The following MAX variants were observed in gnomAD, a reference collection of about 807,000 sequenced individuals.
MAX encodes the protein MYC associated transcriptional regulator X.
In MAX, 3 loss-of-function variants were observed where a neutral mutation model predicts 22.3. The observed-to-expected ratio is 0.13, with a 90% confidence interval of 0.06 to 0.35. The LOEUF (loss-of-function observed/expected upper bound fraction) is 0.35. Among genes scored for constraint, MAX ranks in the 10% least tolerant of loss-of-function variants. MAX has a pLI of 1.00. For missense variants in MAX, 119 were observed against 209.4 expected, an observed-to-expected ratio of 0.57 and a Z score of 2.66; for synonymous variants, 72 against 77.7, an observed-to-expected ratio of 0.93 and a Z score of 0.39.
rs2063034315 is a variant in MAX, at chr14:65,075,494, C to T, written c.*982G>A. The stretch of plus-strand genomic sequence containing the variant: ...CCAGGTAAATTGCTCTTGGTATTTA[C>T]ATACAAAATCAGTTGGCTCTATTTC... On this transcript the variant is annotated 3_prime_UTR_variant, in exon 5 of 5. Transcript: ENST00000358664. The surrounding 1 kb of genome is among the most constrained non-coding windows in gnomAD (Gnocchi z 4.1). 3.8e-6 allele frequency: 4 copies of T among 1,064,600 alleles called. No homozygotes were observed. The highest frequency in any genetic ancestry group is 9.1e-5 in the South Asian group (2 of 21,972). 65.9% of individuals were successfully genotyped at this position (1,064,600 alleles called of 1,614,324 possible). A position where few individuals can be genotyped will look rare whatever the true frequency, so the allele number is the denominator to read the frequency against.
intron 3 of MAX, among the ~76,000 whole-genome samples, chr14:65,040,625 GAA>G (rs2062330644): frequency 2.0e-5 from 1 of 48,820 alleles, no homozygotes; most frequent in Non-Finnish European, 4.1e-5. Flanking sequence ...TTTTTTTTTT[GAA>G]AAGACATTTC....
At position 65,032,304 on chromosome 14, in the gene MAX, G is replaced by A; in HGVS notation, c.172-26020C>T. The A allele has an allele frequency of 4.0e-6, 1 of 249,452 alleles. No individual in the cohort carries two copies. Among genetic ancestry groups the A allele is most frequent in the Non-Finnish European group, 7.6e-6 (1 of 130,738 alleles). 15.5% of individuals were successfully genotyped at this position (249,452 alleles called of 1,614,324 possible). A position where few individuals can be genotyped will look rare whatever the true frequency, so the allele number is the denominator to read the frequency against. ...CAACCATTATAGGTCTTTGAAAGAA[G>A]AGCTGAATCCACTTTTGACATGAAT... is the stretch of plus-strand genomic sequence containing the variant. On this transcript the variant is annotated intron_variant, in intron 3 of 3. Transcript: ENST00000341653. This position sits in a 1 kb window ranked among gnomAD's most constrained non-coding sequence, Gnocchi z 5.0.
At chr14:65,053,667 C>T (rs567608521) in intron 3 of MAX, among the ~76,000 whole-genome samples, 135 of 147,724 alleles carry the variant, frequency 9.1e-4, no homozygotes, top group African/African-American at 3.4e-3. Flanking sequence ...GAATAGGATA[C>T]AGGATTTTAA....
chr14:65,015,120 T>G (rs1366532142), intron 3 of MAX, among the ~76,000 whole-genome samples: 4 of 147,152 alleles, frequency 2.7e-5, no homozygotes, highest in Admixed American at 6.8e-5. Flanking sequence ...TTTTTTTTTT[T>G]GAGACGGAGT....
intron 3 of MAX, among the ~76,000 whole-genome samples, chr14:65,020,120 T>C (rs1421217611): frequency 6.6e-6 from 1 of 152,248 alleles, no homozygotes; most frequent in Non-Finnish European, 1.5e-5. Context: ...TTCACTGCTG[T>C]GCTTCTATTT....
rs890416773 is a variant in MAX at position 65,044,545 on chromosome 14, C to T, written c.172-38261G>A. The T allele has an allele frequency of 4.7e-6, 7 of 1,492,906 alleles. No homozygotes were observed. In the African/African-American group the frequency reaches 8.5e-5, roughly 18 times the overall value. 92.5% of individuals were successfully genotyped at this position (1,492,906 alleles called of 1,614,324 possible). ...TTTTTTAGAGGGGTTGAAATGAGCTCTGTCTATCCTGGATTTTGAGTGCCC... is the reference window on the plus strand; with the variant it reads ...TTTTTTAGAGGGGTTGAAATGAGCTTTGTCTATCCTGGATTTTGAGTGCCC... On this transcript the variant is annotated intron_variant, in intron 3 of 3. Coordinates refer to the MAX transcript ENST00000341653. This position sits in a 1 kb window ranked among gnomAD's most constrained non-coding sequence, Gnocchi z 5.5.
intron 3 of MAX, chr14:65,061,520 A>C: frequency 1.2e-6 from 1 of 836,816 alleles, no homozygotes; most frequent in Admixed American, 3.1e-5. Context: ...CACACCTGTC[A>C]AACCAAAAAT....
At chr14:65,035,667 C>A (rs117439576) in intron 3 of MAX, among the ~76,000 whole-genome samples, 7 of 151,728 alleles carry the variant, frequency 4.6e-5, no homozygotes, top group Non-Finnish European at 8.8e-5. Context: ...GTAGCTGGGA[C>A]AACAAGCGCG....
Position 65,053,634 on chromosome 14 carries a change from AC to A in MAX, c.171+40073del, listed in dbSNP as rs767572380. 2.5e-3 allele frequency among the ~76,000 whole-genome samples: 381 copies of A among 151,216 alleles called. 4 individuals are homozygous for A. The highest frequency in any genetic ancestry group is 5.2e-3 in the East Asian group (27 of 5,180). ...ATAACTCTTCTTTTTTTTAAAAAAA[AC>A]AAAAAAAAACTGATCTAAATAGAAT... On this transcript the variant is annotated intron_variant, in intron 3 of 3. Transcript: ENST00000341653.
chr14:65,056,504 G>C (rs892377270), intron 3 of MAX, among the ~76,000 whole-genome samples: 3 of 152,190 alleles, frequency 2.0e-5, no homozygotes, highest in Non-Finnish European at 4.4e-5. Flanking sequence ...TCCATAGTCA[G>C]ACCTTTTCCT....
In MAX at chr14:65,076,392, G is replaced by A. The variant is rs2063054986; in HGVS notation, c.*84C>T. On this transcript the variant is annotated 3_prime_UTR_variant, in exon 5 of 5. Transcript: ENST00000358664. This position sits in a 1 kb window ranked among gnomAD's most constrained non-coding sequence, Gnocchi z 6.6. ...AGAAAAATAAAGAGTCTCTTAAATGGTTCTGAGGGCTCTACCAACGAACTG... is the reference window on the plus strand; with the variant it reads ...AGAAAAATAAAGAGTCTCTTAAATGATTCTGAGGGCTCTACCAACGAACTG... 1 of 1,610,522 alleles carries A rather than the reference G, an allele frequency of 6.2e-7. No individual in the cohort carries two copies. The highest frequency in any genetic ancestry group is 1.3e-5 in the African/African-American group (1 of 74,828).
chr14:65,100,641 A>C (rs1284296456), intron 2 of MAX, among the ~76,000 whole-genome samples: 1 of 152,106 alleles, frequency 6.6e-6, no homozygotes, highest in African/African-American at 2.4e-5. Context: ...TTTTACCCCC[A>C]TTCTATACAT....
chr14:65,089,777 A>T, intron 3 of MAX: 1 of 112,394 alleles, frequency 8.9e-6, no homozygotes, highest in South Asian at 2.7e-4. Flanking sequence ...AAAAAAAAAA[A>T]AAAAAAAAAA....
At chr14:65,094,859 C>G (rs558099604) in intron 2 of MAX, among the ~76,000 whole-genome samples, 1 of 152,338 alleles carries the variant, frequency 6.6e-6, no homozygotes, top group South Asian at 2.1e-4. Flanking sequence ...GGAAATTATG[C>G]TCTGAACATT....
intron 3 of MAX, chr14:65,021,865 C>CA (rs1269824014): frequency 2.2e-6 from 1 of 448,414 alleles, no homozygotes; most frequent in Non-Finnish European, 4.5e-6. Flanking sequence ...AGGCTGGTCT[C>CA]AAACTCCTGG....
intron 3 of MAX, chr14:65,061,407 C>A: frequency 6.6e-7 from 1 of 1,523,816 alleles, no homozygotes; most frequent in Non-Finnish European, 8.8e-7. Context: ...GCTACACAAG[C>A]CTTAGCCTCA....
chr14:65,095,971 C>T (rs1265399647), intron 2 of MAX, among the ~76,000 whole-genome samples: 1 of 152,116 alleles, frequency 6.6e-6, no homozygotes, highest in Non-Finnish European at 1.5e-5. Flanking sequence ...ATGCACTACC[C>T]CCTCCCATTC....
chr14:65,025,935 C>G (rs891700357), intron 3 of MAX, among the ~76,000 whole-genome samples: 3 of 152,198 alleles, frequency 2.0e-5, no homozygotes, highest in South Asian at 2.1e-4. Flanking sequence ...TAACCTGTGA[C>G]GTTTCAGAAC....
intron 3 of MAX, among the ~76,000 whole-genome samples, chr14:65,026,608 C>T (rs113322249): frequency 0.035 from 5,263 of 152,216 alleles, 122 homozygotes; most frequent in Non-Finnish European, 0.056. Flanking sequence ...ACCTGTAATC[C>T]CAGCACTTGC....
Sources: allele counts gnomAD v4.1 joint callset (sites outside exome capture counted in the v4.1 genomes callset), GRCh38; gene constraint gnomAD v4.1.1; non-coding constraint Gnocchi (gnomAD v3.1); transcripts MANE v1.5; gene names NCBI Gene and HGNC (gene_info 2026-07-23, HGNC 2026-07-21).